COL13A1: variants seen among roughly 807,000 people sequenced by gnomAD.
COL13A1 encodes the protein collagen alpha-1(XIII) chain.
A neutral mutation model predicts 130.9 loss-of-function variants in COL13A1; 89 were observed. The ratio of observed to expected loss-of-function variants is 0.68; its 90% confidence interval spans 0.57 to 0.81. The LOEUF (loss-of-function observed/expected upper bound fraction) is 0.81, where lower values mean the gene tolerates loss of function less well. COL13A1 is among the 30% of genes least tolerant of loss of function. The probability of loss-of-function intolerance (pLI) is 0.00; values close to 1 mark genes in which losing one functional copy is unlikely to be tolerated. For missense variants in COL13A1, 879 were observed against 934.6 expected, an observed-to-expected ratio of 0.94 and a Z score of 0.78; for synonymous variants, 402 against 341.6, an observed-to-expected ratio of 1.18 and a Z score of -1.95.
intron 13 of COL13A1, among the ~76,000 whole-genome samples, chr10:69,897,700 C>A (rs534446613): frequency 3.3e-5 from 5 of 152,228 alleles, no homozygotes; most frequent in African/African-American, 9.6e-5. Context: ...CACACTTGGG[C>A]TCCCCATCCC....
intron 37 of COL13A1, among the ~76,000 whole-genome samples, chr10:69,946,510 G>T (rs190943088): frequency 8.9e-4 from 135 of 152,354 alleles, no homozygotes; most frequent in African/African-American, 3.1e-3. Flanking sequence ...ATCCACTGGA[G>T]GCTGTGTGTG....
chr10:69,812,857 C>A, intron 1 of COL13A1, among the ~76,000 whole-genome samples: 1 of 152,114 alleles, frequency 6.6e-6, no homozygotes, highest in East Asian at 1.9e-4. Context: ...CTGGGCCCCT[C>A]ACCTGGTGAG....
intron 39 of COL13A1, chr10:69,956,269 G>A (rs1283501998): frequency 6.6e-6 from 1 of 152,254 alleles, no homozygotes; most frequent in Non-Finnish European, 1.5e-5. Flanking sequence ...CTATCACCAA[G>A]GGCAGAACAC....
chr10:69,956,776 C>CG, intron 39 of COL13A1: 1 of 527,756 alleles, frequency 1.9e-6, no homozygotes, highest in Non-Finnish European at 3.5e-6. Context: ...CCCCTATTGA[C>CG]GTTGCACTAT....
chr10:69,896,542 C>T (rs942064988), intron 13 of COL13A1, among the ~76,000 whole-genome samples: 5 of 152,200 alleles, frequency 3.3e-5, no homozygotes, highest in African/African-American at 9.7e-5. Context: ...CAGGCAGGTC[C>T]GGGTGGTGCG....
intron 6 of COL13A1, 136 bp from the exon 7 acceptor site, chr10:69,880,367 C>T (rs375822365): frequency 1.8e-5 from 13 of 711,756 alleles, no homozygotes; most frequent in African/African-American, 1.0e-4. Context: ...CCTGGCATCC[C>T]TCTCCTGTCC....
chr10:69,919,070 A>G lies in COL13A1; in HGVS notation c.1008A>G (p.Pro336=), dbSNP rs2064284803. ...TCTCTTTTTCCACACAGGGTGAGCC[A>G]GGGATCCCAGGAACCAAGGTACTGA... The part of the protein sequence containing the change: ...GIAVAGMKGE[P]GIPGTKGDPG... The change falls in exon 20 of 41, where the codon CCA becomes CCG. Residue 336 remains proline, a synonymous_variant. Coordinates refer to ENST00000645393, the MANE Select transcript of COL13A1 (RefSeq NM_001368882.1). 1.2e-6 allele frequency: 2 copies of G among 1,613,962 alleles called. No homozygotes were observed. The highest frequency in any genetic ancestry group is 1.7e-6 in the Non-Finnish European group (2 of 1,179,852).
chr10:69,930,828 C>CGAAA (rs2066018984), intron 30 of COL13A1, among the ~76,000 whole-genome samples: 2 of 152,290 alleles, frequency 1.3e-5, no homozygotes, highest in Non-Finnish European at 2.9e-5. Context: ...CATCTCTAAA[C>CGAAA]TGGCGATAAT....
In COL13A1 at chr10:69,802,382, T is replaced by G. The variant is rs1425312061; in HGVS notation, c.-42T>G. The G allele has an allele frequency of 2.1e-6, 3 of 1,422,026 alleles. No individual in the cohort carries two copies. In the East Asian group the frequency reaches 8.8e-5, roughly 42 times the overall value. The allele number at this position is 1,422,026 out of a possible 1,614,324, so 88.1% of individuals were successfully genotyped here. A position where few individuals can be genotyped will look rare whatever the true frequency, so the allele number is the denominator to read the frequency against. ...TTTTGGCAGCGGCTGTCGCCTTTATTTATTCTATTTATTTATTTATTGGTT... is the reference window on the plus strand; with the variant it reads ...TTTTGGCAGCGGCTGTCGCCTTTATGTATTCTATTTATTTATTTATTGGTT... On this transcript the variant is annotated 5_prime_UTR_variant, in exon 1 of 41. In the 5' UTR this introduces an upstream ATG that the reference lacks. Coordinates refer to ENST00000645393, the MANE Select transcript of COL13A1 (RefSeq NM_001368882.1).
chr10:69,936,217 T>C (rs2066902500), intron 32 of COL13A1, among the ~76,000 whole-genome samples: 1 of 151,580 alleles, frequency 6.6e-6, no homozygotes. Flanking sequence ...CCAGCCCCAC[T>C]GGATTGGCTT....
At chr10:69,892,701 C>T (rs2134725054) in intron 10 of COL13A1, among the ~76,000 whole-genome samples, 1 of 152,350 alleles carries the variant, frequency 6.6e-6, no homozygotes, top group Non-Finnish European at 1.5e-5. Flanking sequence ...CTTAAAGGGG[C>T]AGGTGCTGCC....
At chr10:69,921,756 A>T in intron 21 of COL13A1, 126 bp from the exon 22 acceptor site, 1 of 1,267,802 alleles carries the variant, frequency 7.9e-7, no homozygotes, top group Non-Finnish European at 1.1e-6. Flanking sequence ...TCAGAAAGCC[A>T]GCTGGGGGCA....
At chr10:69,949,950 G>GTGTTTGTGTGTGTGTGTGTGTGCA (rs2069171405) in intron 38 of COL13A1, among the ~76,000 whole-genome samples, 1 of 107,402 alleles carries the variant, frequency 9.3e-6, no homozygotes, top group African/African-American at 2.8e-5. Flanking sequence ...GTGTGTGTGC[G>GTGTTTGTGTGTGTGTGTGTGTGCA]TGTGTTTGTG....
intron 7 of COL13A1, among the ~76,000 whole-genome samples, chr10:69,885,945 C>T (rs1353001323): frequency 1.3e-5 from 2 of 152,128 alleles, no homozygotes; most frequent in East Asian, 1.9e-4. Context: ...GTTGAACCAG[C>T]GCACCCACCC....
chr10:69,946,558 T>C (rs1351210615), intron 37 of COL13A1, among the ~76,000 whole-genome samples: 1 of 152,230 alleles, frequency 6.6e-6, no homozygotes, highest in Admixed American at 6.5e-5. Context: ...GCTTGTCTCA[T>C]GCTAAATTCC....
chr10:69,896,883 A>C (rs1204599388), intron 13 of COL13A1, among the ~76,000 whole-genome samples: 3 of 152,204 alleles, frequency 2.0e-5, no homozygotes, highest in Non-Finnish European at 4.4e-5. Flanking sequence ...ATACAATAAT[A>C]GAAGGTCAGC....
rs748400598 is a variant in COL13A1, at chr10:69,919,055, C to T, written c.1000-7C>T. On this transcript the variant is annotated splice_region_variant and splice_polypyrimidine_tract_variant and intron_variant, in intron 19 of 40. Transcript: ENST00000645393. ...TCTCTCACATTTGTTTCTCTTTTTC[C>T]ACACAGGGTGAGCCAGGGATCCCAG... The T allele has an allele frequency of 6.2e-7, 1 of 1,614,018 alleles. No homozygotes were observed. The highest frequency in any genetic ancestry group is 8.5e-7 in the Non-Finnish European group (1 of 1,179,874).
intron 17 of COL13A1, among the ~76,000 whole-genome samples, chr10:69,911,100 A>G (rs2063330231): frequency 1.3e-5 from 2 of 152,166 alleles, no homozygotes; most frequent in Admixed American, 1.3e-4. Context: ...GATGGGCCCT[A>G]TGATGAGATG....
intron 3 of COL13A1, among the ~76,000 whole-genome samples, chr10:69,870,544 C>T (rs1170674830): frequency 1.3e-5 from 2 of 150,552 alleles, no homozygotes; most frequent in Non-Finnish European, 3.0e-5. Flanking sequence ...TGGTCATGAA[C>T]TCCTGACCTC....
Sources: gnomAD v4.1 joint callset for allele counts (sites outside exome capture counted in the v4.1 genomes callset) on GRCh38, gnomAD v4.1.1 for gene constraint, MANE v1.5 for transcripts, NCBI Gene and HGNC (gene_info 2026-07-23, HGNC 2026-07-21) for gene names.